The following BNC2 variants were observed in gnomAD, a reference collection of about 807,000 sequenced individuals.
The protein encoded by BNC2 is zinc finger protein basonuclin-2.
A neutral mutation model predicts 76.3 loss-of-function variants in BNC2; 20 were observed. The observed-to-expected ratio is 0.26, with a 90% confidence interval of 0.18 to 0.38. The LOEUF is 0.38. Among genes scored for constraint, BNC2 ranks in the 10% least tolerant of loss-of-function variants. BNC2 has a pLI of 1.00. For missense variants in BNC2, 1,382 were observed against 1,399.8 expected (o/e 0.99, Z 0.20); for synonymous variants, 582 against 514.8 (o/e 1.13, Z -1.77).
intron 3 of BNC2, among the ~76,000 whole-genome samples, chr9:16,693,385 C>T (rs893031447): frequency 3.9e-5 from 6 of 152,120 alleles, no homozygotes; most frequent in South Asian, 2.1e-4. Context: ...CCAATAGTCT[C>T]GGTCAGTGCC....
chr9:16,618,526 G>T (rs185418208), intron 3 of BNC2, among the ~76,000 whole-genome samples: 1 of 152,188 alleles, frequency 6.6e-6, no homozygotes, highest in East Asian at 1.9e-4. Flanking sequence ...TCAGCAGCAA[G>T]ATCTGTAAAT....
chr9:16,465,752 C>A (rs1375443584), intron 5 of BNC2, among the ~76,000 whole-genome samples: 1 of 152,082 alleles, frequency 6.6e-6, no homozygotes, highest in African/African-American at 2.4e-5. Flanking sequence ...CCTAAATTAG[C>A]TATCTAAAAA....
At chr9:16,858,410 C>G (rs1370010740) in intron 1 of BNC2, among the ~76,000 whole-genome samples, 1 of 152,142 alleles carries the variant, frequency 6.6e-6, no homozygotes, top group Non-Finnish European at 1.5e-5. Flanking sequence ...TGGAGTACTA[C>G]CAAGACTTTT....
In BNC2 at chr9:16,415,050, C is replaced by T. The variant is rs926440989; in HGVS notation, c.*3939G>A. On this transcript the variant is annotated 3_prime_UTR_variant, in exon 7 of 7. Transcript: ENST00000380672. ...AAATAACACTATGAGGACAGTGGCA[C>T]CATTGTGCCAAAAAGGTTTTAAAAA... 1 of 151,632 alleles carries T rather than the reference C, an allele frequency of 6.6e-6. No homozygotes were observed. The highest frequency in any genetic ancestry group is 2.4e-5 in the African/African-American group (1 of 41,240). 9.4% of individuals were successfully genotyped at this position (151,632 alleles called of 1,614,324 possible).
At chr9:16,637,857 A>G (rs970062316) in intron 3 of BNC2, among the ~76,000 whole-genome samples, 1 of 152,246 alleles carries the variant, frequency 6.6e-6, no homozygotes, top group Non-Finnish European at 1.5e-5. Flanking sequence ...AAATGCATAG[A>G]TTCAAAATGC....
chr9:16,443,280 G>T (rs1821167209), intron 5 of BNC2, among the ~76,000 whole-genome samples: 2 of 152,104 alleles, frequency 1.3e-5, no homozygotes, highest in African/African-American at 4.8e-5. Flanking sequence ...AACAAAATCA[G>T]AGGTTTGTGA....
chr9:16,418,885 A>ACACT lies in BNC2; in HGVS notation c.*103_*104insAGTG. On this transcript the variant is annotated 3_prime_UTR_variant, in exon 7 of 7. Transcript: ENST00000380672. ...AGCATACATAAATGCACACACACAC[A>ACACT]CACACACACACACACCCCAAGTACA... 7.8e-7 allele frequency: 1 copy of ACACT among 1,274,310 alleles called. No individual in the cohort carries two copies. The highest frequency in any genetic ancestry group is 1.1e-6 in the Non-Finnish European group (1 of 873,932). 78.9% of individuals were successfully genotyped at this position (1,274,310 alleles called of 1,614,324 possible).
At chr9:16,748,922 C>A (rs1485891277) in intron 1 of BNC2, among the ~76,000 whole-genome samples, 2 of 130,568 alleles carry the variant, frequency 1.5e-5, no homozygotes, top group African/African-American at 6.2e-5. Flanking sequence ...ACTTTTTATA[C>A]TATATATATA....
chr9:16,862,906 T>C (rs1236108511), intron 1 of BNC2, among the ~76,000 whole-genome samples: 2 of 116,172 alleles, frequency 1.7e-5, no homozygotes, highest in African/African-American at 3.4e-5. Context: ...TATAGCTATA[T>C]ATAGATAGAT....
chr9:16,505,429 T>C (rs1416272867), intron 5 of BNC2, among the ~76,000 whole-genome samples: 1 of 152,182 alleles, frequency 6.6e-6, no homozygotes, highest in African/African-American at 2.4e-5. Context: ...TGGCTATCTA[T>C]GAAGGTGAAA....
At chr9:16,665,470 GAAAGAAAGAAAGAAAGAA>G (rs1563888017) in intron 3 of BNC2, among the ~76,000 whole-genome samples, 40 of 143,196 alleles carry the variant, frequency 2.8e-4, no homozygotes, top group Middle Eastern at 3.7e-3. Flanking sequence ...AAGAAAGAAA[GAAAGAAAGAAAGAAAGAA>G]AGAGAGAGAG....
intron 3 of BNC2, among the ~76,000 whole-genome samples, chr9:16,717,315 T>A (rs1824020625): frequency 6.6e-6 from 1 of 152,176 alleles, no homozygotes; most frequent in African/African-American, 2.4e-5. Context: ...CTAAACTTAC[T>A]TTCTTTCTTT....
At chr9:16,820,316 C>G (rs1818291350) in intron 1 of BNC2, among the ~76,000 whole-genome samples, 1 of 151,904 alleles carries the variant, frequency 6.6e-6, no homozygotes, top group African/African-American at 2.4e-5. Context: ...ATCCCAGCTA[C>G]TCAGGAGGCT....
chr9:16,512,749 C>T (rs1038850503), intron 5 of BNC2, among the ~76,000 whole-genome samples: 1 of 152,092 alleles, frequency 6.6e-6, no homozygotes, highest in Non-Finnish European at 1.5e-5. Context: ...TCAAATAAAA[C>T]AATCATCTCA....
chr9:16,779,982 A>G (rs1007334342), intron 1 of BNC2, among the ~76,000 whole-genome samples: 1 of 151,826 alleles, frequency 6.6e-6, no homozygotes, highest in Non-Finnish European at 1.5e-5. Flanking sequence ...CACGCCTGTG[A>G]TCCCAGCACT....
chr9:16,745,949 A>G (rs1366841888), intron 1 of BNC2, among the ~76,000 whole-genome samples: 1 of 152,198 alleles, frequency 6.6e-6, no homozygotes, highest in Non-Finnish European at 1.5e-5. Context: ...GATATTGTGA[A>G]TATGAGACAA....
At chr9:16,791,450 T>C (rs1817509771) in intron 1 of BNC2, among the ~76,000 whole-genome samples, 1 of 152,140 alleles carries the variant, frequency 6.6e-6, no homozygotes, top group Non-Finnish European at 1.5e-5. Flanking sequence ...CTGAAAATTG[T>C]GTATATTAAA....
chr9:16,833,935 C>A (rs561294437), intron 1 of BNC2, among the ~76,000 whole-genome samples: 1 of 152,132 alleles, frequency 6.6e-6, no homozygotes, highest in Non-Finnish European at 1.5e-5. Flanking sequence ...CCTCCAATGT[C>A]CCAAGCAAGC....
At chr9:16,549,626 T>C (rs1013109383) in intron 5 of BNC2, among the ~76,000 whole-genome samples, 1 of 152,206 alleles carries the variant, frequency 6.6e-6, no homozygotes, top group Non-Finnish European at 1.5e-5. Context: ...CTTTAAAATA[T>C]TGGCCAATTA....
Sources: allele counts gnomAD v4.1 joint callset (sites outside exome capture counted in the v4.1 genomes callset), GRCh38; gene constraint gnomAD v4.1.1; transcripts MANE v1.5; gene names NCBI Gene and HGNC (gene_info 2026-07-23, HGNC 2026-07-21).